ARHGEF9: variants seen among roughly 807,000 people sequenced by gnomAD.
ARHGEF9 encodes the protein Cdc42 guanine nucleotide exchange factor 9.
ARHGEF9 carries 2 observed loss-of-function variants against 41.3 expected under a neutral mutation model. That is an observed-to-expected ratio of 0.05 (90% CI 0.02 to 0.15). The LOEUF (loss-of-function observed/expected upper bound fraction) is 0.15. ARHGEF9 is among the 10% of genes least tolerant of loss of function. ARHGEF9 has a pLI of 1.00. For synonymous variants in ARHGEF9, 160 were observed against 154.4 expected, an observed-to-expected ratio of 1.04 and a Z score of -0.27; for missense variants, 225 against 424.7, an observed-to-expected ratio of 0.53 and a Z score of 4.13.
chrX:63,676,385 C>T (rs182800078), intron 5 of ARHGEF9, among the ~76,000 whole-genome samples: 89 of 112,403 alleles, frequency 7.9e-4, no homozygotes, highest in African/African-American at 2.7e-3. Context: ...CTAACACTTC[C>T]TAAGTCTCTT....
At chrX:63,774,114 C>G (rs1478040404) in intron 1 of ARHGEF9, among the ~76,000 whole-genome samples, 1 of 109,706 alleles carries the variant, frequency 9.1e-6, no homozygotes, top group East Asian at 2.9e-4. Context: ...CTCACCCATC[C>G]ATTCTATTGG....
intron 1 of ARHGEF9, among the ~76,000 whole-genome samples, chrX:63,770,633 C>A (rs2056189097): frequency 8.9e-6 from 1 of 111,884 alleles, no homozygotes; most frequent in African/African-American, 3.2e-5. Flanking sequence ...TCTGTGTCCC[C>A]ACCCAAATCT....
At chrX:63,735,961 C>T (rs1425794535) in intron 1 of ARHGEF9, among the ~76,000 whole-genome samples, 1 of 112,156 alleles carries the variant, frequency 8.9e-6, no homozygotes, top group East Asian at 2.8e-4. Flanking sequence ...CCTAGCAATG[C>T]CTCTAGTCCA....
chrX:63,715,468 T>C (rs1307704315), intron 2 of ARHGEF9, among the ~76,000 whole-genome samples: 6 of 110,574 alleles, frequency 5.4e-5, no homozygotes. Flanking sequence ...CACTTCAGGA[T>C]GGTGATGTGG....
Position 63,665,813 on chromosome X carries a change from G to A in ARHGEF9, c.1077+73C>T, listed in dbSNP as rs1181972602. 5 of 1,156,538 alleles carry A rather than the reference G, an allele frequency of 4.3e-6. No homozygotes were observed. In the East Asian group the frequency reaches 1.3e-4, roughly 29 times the overall value. ...ATTTGCCCACTTTGTTGGGAGCCTGGGGATGATGAAGAGGAGGGTCCGGTA... is the reference window on the plus strand; with the variant it reads ...ATTTGCCCACTTTGTTGGGAGCCTGAGGATGATGAAGAGGAGGGTCCGGTA... On this transcript the variant is annotated intron_variant, in intron 7 of 9. Transcript: ENST00000671741.
At chrX:63,694,302 C>T (rs2051586116) in intron 4 of ARHGEF9, among the ~76,000 whole-genome samples, 1 of 111,990 alleles carries the variant, frequency 8.9e-6, no homozygotes, top group Admixed American at 9.5e-5. Flanking sequence ...AATAGTTTGG[C>T]ATTATCTAAT....
chrX:63,635,403 A>T lies in ARHGEF9; in HGVS notation c.*2625T>A, dbSNP rs782200057. On this transcript the variant is annotated 3_prime_UTR_variant, in exon 10 of 10. Coordinates refer to ENST00000671741, the MANE Select transcript of ARHGEF9 (RefSeq NM_001353921.2). Reference sequence around the variant, plus strand: ...TCCTGGCCTCACTGAGTTGAGGAAAAGGGAGCTCAGGGCCATGCGGAAATT... The same window carrying T: ...TCCTGGCCTCACTGAGTTGAGGAAATGGGAGCTCAGGGCCATGCGGAAATT... 5.7e-6 allele frequency: 3 copies of T among 522,213 alleles called. No individual in the cohort carries two copies. The South Asian group carries it at 7.5e-5, about 13-fold the overall frequency. 43.0% of individuals were successfully genotyped at this position (522,213 alleles called of 1,213,427 possible).
At chrX:63,696,722 T>C (rs1159924953) in intron 4 of ARHGEF9, among the ~76,000 whole-genome samples, 2 of 111,188 alleles carry the variant, frequency 1.8e-5, no homozygotes, top group African/African-American at 6.6e-5. Context: ...TGAAGAAAAA[T>C]TCTACTGGTA....
At chrX:63,739,284 C>A (rs2054806398) in intron 1 of ARHGEF9, among the ~76,000 whole-genome samples, 1 of 111,119 alleles carries the variant, frequency 9.0e-6, no homozygotes, top group African/African-American at 3.3e-5. Flanking sequence ...TTGCTTCTCA[C>A]AACAGCCTAA....
At chrX:63,769,247 G>A (rs1184094147) in intron 1 of ARHGEF9, among the ~76,000 whole-genome samples, 6 of 110,855 alleles carry the variant, frequency 5.4e-5, no homozygotes, top group African/African-American at 2.0e-4. Context: ...CAAAGAAACT[G>A]GCGGCATTTT....
At chrX:63,641,735 T>C (rs2047648379) in intron 9 of ARHGEF9, 1 of 112,001 alleles carries the variant, frequency 8.9e-6, no homozygotes, top group African/African-American at 3.3e-5. Context: ...TTGACTGGAT[T>C]GAAGGATGCA....
At chrX:63,734,481 A>G (rs2054497279) in intron 1 of ARHGEF9, among the ~76,000 whole-genome samples, 1 of 112,165 alleles carries the variant, frequency 8.9e-6, no homozygotes, top group East Asian at 2.8e-4. Context: ...TTTATTAATA[A>G]CAAGCAACCA....
At chrX:63,647,491 T>G (rs1288646321) in intron 8 of ARHGEF9, among the ~76,000 whole-genome samples, 4 of 112,024 alleles carry the variant, frequency 3.6e-5, no homozygotes, top group African/African-American at 9.8e-5. Context: ...GAGATAATCA[T>G]GTGGTTTTTG....
intron 1 of ARHGEF9, among the ~76,000 whole-genome samples, chrX:63,763,533 G>A (rs2056068488): frequency 1.0e-5 from 1 of 96,223 alleles, no homozygotes; most frequent in Admixed American, 1.3e-4. Flanking sequence ...ATAGCCTAAT[G>A]GCTAAGAATA....
chrX:63,767,895 T>C (rs782286643), intron 1 of ARHGEF9, among the ~76,000 whole-genome samples: 2 of 112,256 alleles, frequency 1.8e-5, no homozygotes, highest in East Asian at 5.6e-4. Flanking sequence ...ATGGAGAAGA[T>C]ATTCCCCCTC....
At chrX:63,667,313 A>G (rs2049643312) in intron 6 of ARHGEF9, among the ~76,000 whole-genome samples, 1 of 111,424 alleles carries the variant, frequency 9.0e-6, no homozygotes, top group African/African-American at 3.3e-5. Context: ...CCATGACCCA[A>G]CTCCAACCTC....
At chrX:63,641,400 T>C (rs2147129653) in intron 9 of ARHGEF9, 1 of 110,195 alleles carries the variant, frequency 9.1e-6, no homozygotes, top group African/African-American at 3.3e-5. Flanking sequence ...CTAAATGAAT[T>C]TCTTTGAAGA....
chrX:63,706,837 G>A (rs781879940), intron 2 of ARHGEF9, among the ~76,000 whole-genome samples: 257 of 112,228 alleles, frequency 2.3e-3, no homozygotes, highest in Non-Finnish European at 3.1e-3. Context: ...TGGGTGTCTT[G>A]AAAACAAAGT....
chrX:63,766,865 C>T, intron 1 of ARHGEF9: 2 of 341,358 alleles, frequency 5.9e-6, no homozygotes, highest in Non-Finnish European at 1.1e-5. Flanking sequence ...CCCTCATCCA[C>T]TCCGACAAGA....
Sources: gnomAD v4.1 joint callset for allele counts (sites outside exome capture counted in the v4.1 genomes callset) on GRCh38, gnomAD v4.1.1 for gene constraint, MANE v1.5 for transcripts, NCBI Gene and HGNC (gene_info 2026-07-23, HGNC 2026-07-21) for gene names.